The following RBMX variants were observed in gnomAD, a reference collection of about 807,000 sequenced individuals.
The protein encoded by RBMX is RNA binding motif protein X-linked.
RBMX carries 1 observed loss-of-function variant against 29.3 expected under a neutral mutation model. That is an observed-to-expected ratio of 0.03 (90% CI 0.01 to 0.16). The LOEUF (loss-of-function observed/expected upper bound fraction) is 0.16. Ranked by LOEUF, RBMX falls within the 10% of genes least tolerant of loss-of-function variation. The pLI is 1.00. For synonymous variants in RBMX, 102 were observed against 102.3 expected (o/e 1.00, Z 0.02); for missense variants, 121 against 333.2 (o/e 0.36, Z 4.96).
downstream of RBMX, among the ~76,000 whole-genome samples, chrX:136,870,863 T>C (rs941430726): frequency 1.6e-4 from 16 of 102,594 alleles, no homozygotes; most frequent in African/African-American, 5.4e-4. Context: ...TCTCAGCACA[T>C]TGGGAGGTCG....
At chrX:136,870,707 C>T (rs1430624746), downstream of RBMX, among the ~76,000 whole-genome samples, 2 of 101,811 alleles carry the variant, frequency 2.0e-5, no homozygotes, top group Non-Finnish European at 4.0e-5. Context: ...GGTGCACACC[C>T]GTAGTCCCAG....
chrX:136,879,316 C>G lies in RBMX; in HGVS notation c.109+3G>C. ...GCCCAGCCTGTACTGCCAGACAACTCACCTTCCACTATTCGTCCATATTTG... is the reference window on the plus strand; with the variant it reads ...GCCCAGCCTGTACTGCCAGACAACTGACCTTCCACTATTCGTCCATATTTG... On this transcript the variant is annotated splice_donor_region_variant and intron_variant, in intron 2 of 8. Coordinates refer to ENST00000320676, the MANE Select transcript of RBMX (RefSeq NM_002139.4). 1 of 1,138,870 alleles carries G rather than the reference C, an allele frequency of 8.8e-7. No individual in the cohort carries two copies. The highest frequency in any genetic ancestry group is 1.8e-5 in the African/African-American group (1 of 55,768). The allele number at this position is 1,138,870 out of a possible 1,213,427, so 93.9% of individuals were successfully genotyped here.
chrX:136,879,006 G>C lies in RBMX; in HGVS notation c.216+11C>G, dbSNP rs200614913. The C allele has an allele frequency of 2.4e-5, 29 of 1,207,280 alleles. No homozygotes were observed. In the East Asian group the frequency reaches 7.4e-4, roughly 31 times the overall value. On this transcript the variant is annotated intron_variant, in intron 3 of 8. Coordinates refer to ENST00000320676, the MANE Select transcript of RBMX (RefSeq NM_002139.4). ...GTAACAGGTTATCATCCATCGTGTA[G>C]ACAATCTCACCTTTCCATTCATGTC...
chrX:136,876,444 C>T, intron 5 of RBMX, 59 bp downstream of exon 5: 1 of 1,088,702 alleles, frequency 9.2e-7, no homozygotes, highest in Non-Finnish European at 1.2e-6. Flanking sequence ...AAGCATCATT[C>T]ACCTCTCAAT....
chrX:136,869,823 A>C (rs1223927561), downstream of RBMX: 1 of 112,313 alleles, frequency 8.9e-6, no homozygotes, highest in African/African-American at 3.2e-5. Context: ...TCTCCAAACC[A>C]ATAAAAAACT....
chrX:136,879,520 T>C lies in RBMX; in HGVS notation c.-26-67A>G, dbSNP rs1442379428. 5 of 874,975 alleles carry C rather than the reference T, an allele frequency of 5.7e-6. No individual in the cohort carries two copies. The Admixed American group carries it at 1.2e-4, about 21-fold the overall frequency. The allele number at this position is 874,975 out of a possible 1,213,427, so 72.1% of individuals were successfully genotyped here. ...TCAAGTTTATTGGACACTTTTACTT[T>C]CGCACATTTCTCATATTTTCCACTA... On this transcript the variant is annotated intron_variant, in intron 1 of 8. Transcript: ENST00000320676.
At chrX:136,869,210 TTAAG>T (rs1293646046), downstream of RBMX, 2 of 112,676 alleles carry the variant, frequency 1.8e-5, no homozygotes, top group African/African-American at 6.5e-5. Context: ...TAAAGTTTTA[TTAAG>T]TTTCAATACA....
chrX:136,874,952 C>T (rs2077711997), intron 8 of RBMX, 134 bp downstream of exon 8: 13 of 1,061,790 alleles, frequency 1.2e-5, no homozygotes, highest in Non-Finnish European at 1.6e-5. Flanking sequence ...TAGGAAAAGC[C>T]CAGCTGATAA....
chrX:136,872,243 A>C, downstream of RBMX: 1 of 1,088,549 alleles, frequency 9.2e-7, no homozygotes, highest in Non-Finnish European at 1.2e-6. Context: ...TTAAACCTTC[A>C]AAGGCCATTG....
rs2077752539 is a variant in RBMX, at chrX:136,878,032, T to C, written c.271A>G (p.Ser91Gly). Reference protein sequence around the residue: ...VEQATKPSFESGRRGPPPPPR... With the variant: ...VEQATKPSFEGGRRGPPPPPR... ...GGTGGAGGCGGTCCACGTCTACCACTTTCAAATGATGGTTTGGTGGCTTGT... is the reference window on the plus strand; with the variant it reads ...GGTGGAGGCGGTCCACGTCTACCACCTTCAAATGATGGTTTGGTGGCTTGT... The change falls in exon 4 of 9, where the codon AGT (serine) becomes GGT (glycine). Residue 91 changes from serine to glycine, a missense_variant. Ser to Gly is a moderately conservative substitution (Grantham distance 56, BLOSUM62 0). Coordinates refer to ENST00000320676, the MANE Select transcript of RBMX (RefSeq NM_002139.4). 1 of 1,207,634 alleles carries C rather than the reference T, an allele frequency of 8.3e-7. No individual in the cohort carries two copies. Among genetic ancestry groups the C allele is most frequent in the African/African-American group, 1.8e-5 (1 of 57,110 alleles).
At chrX:136,876,125 GTTTT>G (rs778800086) in intron 5 of RBMX, among the ~76,000 whole-genome samples, 1 of 77,729 alleles carries the variant, frequency 1.3e-5, no homozygotes. Flanking sequence ...TTTTTTTTTT[GTTTT>G]TTTTTTTTTT....
intron 3 of RBMX, among the ~76,000 whole-genome samples, chrX:136,878,402 G>A (rs2077757618): frequency 9.0e-6 from 1 of 110,728 alleles, no homozygotes; most frequent in African/African-American, 3.3e-5. Flanking sequence ...AAAACCAAAA[G>A]CCAAGTTATC....
intron 1 of RBMX, among the ~76,000 whole-genome samples, chrX:136,879,919 A>G (rs1398208570): frequency 9.0e-6 from 1 of 111,646 alleles, no homozygotes. Context: ...CCAAGGAGAA[A>G]TGTGAAGTTT....
downstream of RBMX, among the ~76,000 whole-genome samples, chrX:136,871,506 A>G (rs929342283): frequency 9.0e-6 from 1 of 111,136 alleles, no homozygotes; most frequent in African/African-American, 3.3e-5. Flanking sequence ...GTCAATGTCA[A>G]TAAAATTATG....
At chrX:136,878,154 A>G in intron 3 of RBMX, 68 bp from the exon 4 acceptor site, 5 of 929,608 alleles carry the variant, frequency 5.4e-6, no homozygotes, top group Middle Eastern at 4.2e-4. Flanking sequence ...CTATGCACTA[A>G]GACACTAACT....
intron 3 of RBMX, 80 bp from the exon 4 acceptor site, chrX:136,878,166 G>C: frequency 1.1e-6 from 1 of 872,744 alleles, no homozygotes; most frequent in Non-Finnish European, 1.5e-6. Flanking sequence ...ACACTAACTG[G>C]TCCTTCAAAA....
chrX:136,879,568 A>G, intron 1 of RBMX, 115 bp from the exon 2 acceptor site: 2 of 643,542 alleles, frequency 3.1e-6, no homozygotes, highest in Non-Finnish European at 2.3e-6. Flanking sequence ...CTTAATAACT[A>G]AAGAAAACGA....
intron 1 of RBMX, 64 bp downstream of exon 1, chrX:136,880,533 T>C: frequency 8.9e-6 from 1 of 112,143 alleles, no homozygotes; most frequent in Non-Finnish European, 1.9e-5. Flanking sequence ...CAGGGAGATA[T>C]AATCCCCAGT....
chrX:136,878,921 C>G lies in RBMX; in HGVS notation c.216+96G>C, dbSNP rs1335774272. On this transcript the variant is annotated intron_variant, in intron 3 of 8. Coordinates refer to ENST00000320676, the MANE Select transcript of RBMX (RefSeq NM_002139.4). ...CAGACAGGTATATACTGAAAAACAA[C>G]GAAAACTCAAAAGCTGTCCTAGACC... The G allele has an allele frequency of 1.4e-5, 15 of 1,097,651 alleles. No homozygotes were observed. In the South Asian group the frequency reaches 2.3e-4, roughly 17 times the overall value. 90.5% of individuals were successfully genotyped at this position (1,097,651 alleles called of 1,213,427 possible).
Sources: allele counts gnomAD v4.1 joint callset (sites outside exome capture counted in the v4.1 genomes callset), GRCh38; gene constraint gnomAD v4.1.1; transcripts MANE v1.5; gene names NCBI Gene and HGNC (gene_info 2026-07-23, HGNC 2026-07-21).